The following TAF8 variants were observed in gnomAD, a reference collection of about 807,000 sequenced individuals.
The protein encoded by TAF8 is TATA-box binding protein associated factor 8.
A neutral mutation model predicts 36.5 loss-of-function variants in TAF8; 47 were observed. The ratio of observed to expected loss-of-function variants is 1.29; its 90% CI spans 1.02 to 1.64. The LOEUF is 1.64. Ranked by LOEUF, TAF8 falls within the 40% of genes most tolerant of loss-of-function variation. The pLI is 0.00. For synonymous variants in TAF8, 175 were observed against 159.5 expected, an observed-to-expected ratio of 1.10 and a Z score of -0.73; for missense variants, 420 against 407.6, an observed-to-expected ratio of 1.03 and a Z score of -0.26.
intron 7 of TAF8, among the ~76,000 whole-genome samples, chr6:42,075,523 C>T (rs1216325162): frequency 1.3e-5 from 2 of 152,206 alleles, no homozygotes; most frequent in Non-Finnish European, 2.9e-5. Context: ...GGCCAGCTGT[C>T]CTGTCAGGGG....
intron 7 of TAF8, among the ~76,000 whole-genome samples, chr6:42,070,461 C>T (rs1765527269): frequency 6.6e-6 from 1 of 152,212 alleles, no homozygotes; most frequent in East Asian, 1.9e-4. Context: ...CACTGCACTC[C>T]AGCCTGGGCG....
chr6:42,055,922 G>T (rs1267140912), intron 3 of TAF8, 30 bp from the exon 4 acceptor site: 4 of 1,466,980 alleles, frequency 2.7e-6, no homozygotes, highest in Non-Finnish European at 3.8e-6. Context: ...CAGTGGTCTG[G>T]GCAGTGATTT....
At position 42,077,655 on chromosome 6, in the gene TAF8, C is replaced by T; in HGVS notation, c.*110C>T. The T allele has an allele frequency of 4.5e-6, 7 of 1,550,208 alleles. No homozygotes were observed. Among genetic ancestry groups the T allele is most frequent in the Non-Finnish European group, 6.1e-6 (7 of 1,148,072 alleles). ...CCTCCTCATGGCCAAGCCGAGGCTG[C>T]AGGGTGTGATCGGACATGATTTTCA... On this transcript the variant is annotated 3_prime_UTR_variant, in exon 9 of 9. Coordinates refer to ENST00000372977, the MANE Select transcript of TAF8 (RefSeq NM_138572.3).
chr6:42,072,945 G>C (rs1440864262), intron 7 of TAF8, among the ~76,000 whole-genome samples: 3 of 151,468 alleles, frequency 2.0e-5, no homozygotes, highest in African/African-American at 4.8e-5. Flanking sequence ...GGATGGTCTC[G>C]ATCTCCCGAC....
intron 4 of TAF8, chr6:42,056,369 G>A (rs1259026254): frequency 4.0e-6 from 1 of 248,514 alleles, no homozygotes; most frequent in African/African-American, 2.3e-5. Flanking sequence ...TGTAAATAAA[G>A]TCTTATCGGA....
rs1765036419 is a variant in TAF8 at position 42,057,450 on chromosome 6, C to T, written c.426C>T (p.His142=). ...KALTAGQNRP[H]PPHIPSHFPE... is the part of the protein sequence containing the mutation. Reference sequence around the variant, plus strand: ...TCACTGCAGGGCAGAACCGACCCCACCCGCCGCACATCCCCAGCCATTTTC... The same window carrying T: ...TCACTGCAGGGCAGAACCGACCCCATCCGCCGCACATCCCCAGCCATTTTC... The change falls in exon 5 of 9, where the codon CAC becomes CAT. Residue 142 remains histidine, a synonymous_variant. Coordinates refer to ENST00000372977, the MANE Select transcript of TAF8 (RefSeq NM_138572.3). 6.2e-7 allele frequency: 1 copy of T among 1,613,996 alleles called. No individual in the cohort carries two copies. The highest frequency in any genetic ancestry group is 2.2e-5 in the East Asian group (1 of 44,894).
chr6:42,077,769 A>AT lies in TAF8; in HGVS notation c.*228dup. 7.3e-7 allele frequency: 1 copy of AT among 1,365,482 alleles called. No individual in the cohort carries two copies. Among genetic ancestry groups the AT allele is most frequent in the Non-Finnish European group, 9.5e-7 (1 of 1,054,068 alleles). The allele number at this position is 1,365,482 out of a possible 1,614,324, so 84.6% of individuals were successfully genotyped here. The stretch of plus-strand genomic sequence containing the variant: ...CAGAATAATGAGAATTTTTTTTTTT[A>AT]TTTTGAGATGGAGTCTTACTCTATC... On this transcript the variant is annotated 3_prime_UTR_variant, in exon 9 of 9. Transcript: ENST00000372977.
At chr6:42,068,332 G>A in intron 6 of TAF8, 133 bp from the exon 7 acceptor site, 2 of 921,342 alleles carry the variant, frequency 2.2e-6, no homozygotes, top group South Asian at 1.5e-5. Context: ...GGCCTGTTGT[G>A]TAAGTACTTG....
chr6:42,066,520 T>G (rs1389585834), intron 6 of TAF8, 61 bp downstream of exon 6: 18 of 1,579,832 alleles, frequency 1.1e-5, no homozygotes, highest in Non-Finnish European at 1.6e-5. Context: ...TATCTTTTCT[T>G]TCTCTCAGCA....
chr6:42,079,962 G>C lies in TAF8; in HGVS notation c.*2417G>C, dbSNP rs1325476871. 1 of 984,540 alleles carries C rather than the reference G, an allele frequency of 1.0e-6. No individual in the cohort carries two copies. The highest frequency in any genetic ancestry group is 1.8e-5 in the African/African-American group (1 of 56,990). 61.0% of individuals were successfully genotyped at this position (984,540 alleles called of 1,614,324 possible). ...CCTCACTGTACTGTGTAAGGAAAGAGCTGCTTGTCAGGAACGGAAGAGGGG... is the reference window on the plus strand; with the variant it reads ...CCTCACTGTACTGTGTAAGGAAAGACCTGCTTGTCAGGAACGGAAGAGGGG... On this transcript the variant is annotated 3_prime_UTR_variant, in exon 9 of 9. Coordinates refer to ENST00000372977, the MANE Select transcript of TAF8 (RefSeq NM_138572.3).
rs987447994 is a variant in TAF8 at position 42,081,954 on chromosome 6, C to T, written c.*4409C>T. ...GTTGCAAAAAATGTTGAGAGAGATC[C>T]TATGTACCCATCACCCACTTTCTCC... On this transcript the variant is annotated 3_prime_UTR_variant, in exon 9 of 9. Coordinates refer to ENST00000372977, the MANE Select transcript of TAF8 (RefSeq NM_138572.3). The T allele has an allele frequency of 1.3e-5, 2 of 152,198 alleles. No homozygotes were observed. The highest frequency in any genetic ancestry group is 4.8e-5 in the African/African-American group (2 of 41,444). 9.4% of individuals were successfully genotyped at this position (152,198 alleles called of 1,614,324 possible).
chr6:42,064,158 G>A (rs1765275269), intron 5 of TAF8, among the ~76,000 whole-genome samples: 1 of 152,058 alleles, frequency 6.6e-6, no homozygotes, highest in African/African-American at 2.4e-5. Context: ...AGTGCCAAAA[G>A]TTGTCTTAGG....
rs1765801514 is a variant in TAF8 at position 42,077,648 on chromosome 6, G to A, written c.*103G>A. 7.7e-6 allele frequency: 12 copies of A among 1,557,582 alleles called. No individual in the cohort carries two copies. In the Admixed American group the frequency reaches 7.9e-5, roughly 10 times the overall value. ...AGGGTGACCTCCTCATGGCCAAGCC[G>A]AGGCTGCAGGGTGTGATCGGACATG... On this transcript the variant is annotated 3_prime_UTR_variant, in exon 9 of 9. Transcript: ENST00000372977.
rs182197682 is a variant in TAF8, at chr6:42,077,496, C to T, written c.921-37C>T. 1.5e-4 allele frequency: 242 copies of T among 1,610,272 alleles called. No individual in the cohort carries two copies. In the Admixed American group the frequency reaches 3.7e-3, roughly 25 times the overall value. ...CCCCTAGAAGGAGAGCAGACAGGGC[C>T]CACACCAGGAGGCTCCATGGTTCCT... On this transcript the variant is annotated intron_variant, in intron 8 of 8. Transcript: ENST00000372977.
Position 42,082,539 on chromosome 6 carries a change from A to T in TAF8, c.*4994A>T, listed in dbSNP as rs1765953905. ...TTTTTAGTAGAGATGGGGTTTCACC[A>T]TGTTGGCCAGGTTGGTCTCCAACTC... On this transcript the variant is annotated 3_prime_UTR_variant, in exon 9 of 9. Coordinates refer to ENST00000372977, the MANE Select transcript of TAF8 (RefSeq NM_138572.3). 1 of 152,212 alleles carries T rather than the reference A, an allele frequency of 6.6e-6. No individual in the cohort carries two copies. Among genetic ancestry groups the T allele is most frequent in the African/African-American group, 2.4e-5 (1 of 41,444 alleles). 9.4% of individuals were successfully genotyped at this position (152,212 alleles called of 1,614,324 possible). A position where few individuals can be genotyped will look rare whatever the true frequency, so the allele number is the denominator to read the frequency against.
Position 42,079,526 on chromosome 6 carries a change from A to G in TAF8, c.*1981A>G. 1.0e-6 allele frequency: 1 copy of G among 985,364 alleles called. No homozygotes were observed. The highest frequency in any genetic ancestry group is 1.2e-6 in the Non-Finnish European group (1 of 829,920). The allele number at this position is 985,364 out of a possible 1,614,324, so 61.0% of individuals were successfully genotyped here. A position where few individuals can be genotyped will look rare whatever the true frequency, so the allele number is the denominator to read the frequency against. On this transcript the variant is annotated 3_prime_UTR_variant, in exon 9 of 9. Transcript: ENST00000372977. Reference sequence around the variant, plus strand: ...TTCCCAAATTAGAATCCTAACGTCCATATTTAGCTTCATGTATTCCCCTTT... The same window carrying G: ...TTCCCAAATTAGAATCCTAACGTCCGTATTTAGCTTCATGTATTCCCCTTT...
Position 42,075,315 on chromosome 6 carries a change from C to T in TAF8, c.781-1785C>T, listed in dbSNP as rs574047355. Among the ~76,000 whole-genome samples, 4 of 152,236 alleles carry T rather than the reference C, an allele frequency of 2.6e-5. No homozygotes were observed. The South Asian group carries it at 8.3e-4, about 32-fold the overall frequency. On this transcript the variant is annotated intron_variant, in intron 7 of 8. Coordinates refer to ENST00000372977, the MANE Select transcript of TAF8 (RefSeq NM_138572.3). Reference sequence around the variant, plus strand: ...TGCTTTCAAGAGTCTCTGGAAGGCCCCAGTGGCTCTGGGTCACCTTGTGGT... The same window carrying T: ...TGCTTTCAAGAGTCTCTGGAAGGCCTCAGTGGCTCTGGGTCACCTTGTGGT...
At chr6:42,086,855 C>A (rs1033598890), downstream of TAF8, 1 of 1,149,316 alleles carries the variant, frequency 8.7e-7, no homozygotes, top group Non-Finnish European at 1.3e-6. Context: ...TGTGCTCCTT[C>A]CAGCCCTTGC....
At chr6:42,075,528 CAG>C (rs1765715179) in intron 7 of TAF8, among the ~76,000 whole-genome samples, 1 of 152,230 alleles carries the variant, frequency 6.6e-6, no homozygotes, top group Non-Finnish European at 1.5e-5. Context: ...GCTGTCCTGT[CAG>C]GGGAACCTGC....
Sources: allele counts gnomAD v4.1 joint callset (sites outside exome capture counted in the v4.1 genomes callset), GRCh38; gene constraint gnomAD v4.1.1; transcripts MANE v1.5; gene names NCBI Gene and HGNC (gene_info 2026-07-23, HGNC 2026-07-21).